TMEM117: variants seen among roughly 807,000 people sequenced by gnomAD.
TMEM117 encodes transmembrane protein 117.
In TMEM117, 27 loss-of-function variants were observed where a neutral mutation model predicts 52.4. The ratio of observed to expected loss-of-function variants is 0.51; its 90% CI spans 0.38 to 0.71. TMEM117 has a LOEUF of 0.71. Among genes scored for constraint, TMEM117 ranks in the 30% least tolerant of loss-of-function variants. The pLI is 0.00. For missense variants in TMEM117, 556 were observed against 630.5 expected (o/e 0.88, Z 1.26); for synonymous variants, 215 against 206.3 (o/e 1.04, Z -0.36).
chr12:44,157,907 C>CT (rs1338708906), intron 4 of TMEM117, among the ~76,000 whole-genome samples: 1 of 152,032 alleles, frequency 6.6e-6, no homozygotes, highest in African/African-American at 2.4e-5. Context: ...TGCCATAAAA[C>CT]TTTGTCTCAT....
In TMEM117 at chr12:43,844,945, A is replaced by G. The variant is rs200076737; in HGVS notation, c.277+17A>G. 5 of 1,588,338 alleles carry G rather than the reference A, an allele frequency of 3.1e-6. No homozygotes were observed. Among genetic ancestry groups the G allele is most frequent in the Non-Finnish European group, 4.3e-6 (5 of 1,172,120 alleles). On this transcript the variant is annotated intron_variant, in intron 2 of 7. Transcript: ENST00000266534. ...GTTTGTTTGGTAAGTACCATGACCCATGAAATGTAATATCACTAATTATTT... is the reference window on the plus strand; with the variant it reads ...GTTTGTTTGGTAAGTACCATGACCCGTGAAATGTAATATCACTAATTATTT...
chr12:43,889,914 C>T (rs570156232), intron 2 of TMEM117, among the ~76,000 whole-genome samples: 17 of 152,078 alleles, frequency 1.1e-4, no homozygotes, highest in Non-Finnish European at 2.4e-4. Context: ...GGCACCAGTT[C>T]GGTTGCAATA....
At chr12:44,169,514 G>A (rs1039836955) in intron 4 of TMEM117, among the ~76,000 whole-genome samples, 1 of 152,064 alleles carries the variant, frequency 6.6e-6, no homozygotes, top group African/African-American at 2.4e-5. Flanking sequence ...TTCTTTGAGT[G>A]TTAAAGATCT....
intron 4 of TMEM117, among the ~76,000 whole-genome samples, chr12:44,176,834 C>T (rs78068362): frequency 6.6e-6 from 1 of 151,996 alleles, no homozygotes; most frequent in Non-Finnish European, 1.5e-5. Context: ...AAAGAATGCT[C>T]TCTCTATATA....
intron 2 of TMEM117, among the ~76,000 whole-genome samples, chr12:43,861,971 C>T (rs1173258575): frequency 6.6e-6 from 1 of 152,116 alleles, no homozygotes; most frequent in Non-Finnish European, 1.5e-5. Flanking sequence ...TAGGTCAGAG[C>T]AGGGGTGATG....
In TMEM117 at chr12:44,010,576, T is replaced by C. The variant is rs185747721; in HGVS notation, c.410+66234T>C. On this transcript the variant is annotated intron_variant, in intron 3 of 7. Transcript: ENST00000266534. The stretch of plus-strand genomic sequence containing the variant: ...CGCTTGTTCTTTGCTTCTGTTTTTG[T>C]GTTCCACACTTTTGCTGCCTTTTGT... 5.0e-3 allele frequency among the ~76,000 whole-genome samples: 767 copies of C among 152,348 alleles called. 7 individuals are homozygous for C. The highest frequency in any genetic ancestry group is 0.017 in the African/African-American group (725 of 41,586).
chr12:44,120,485 C>G (rs1306435854), intron 3 of TMEM117, among the ~76,000 whole-genome samples: 2 of 152,144 alleles, frequency 1.3e-5, no homozygotes. Context: ...TTCTAGCATG[C>G]CCTTGCTCAC....
upstream of TMEM117, among the ~76,000 whole-genome samples, chr12:43,834,564 C>A (rs1173385721): frequency 6.6e-6 from 1 of 152,180 alleles, no homozygotes; most frequent in Non-Finnish European, 1.5e-5. Flanking sequence ...CAAAAGAGAA[C>A]CTTACTAGTT....
chr12:44,385,616 T>G, intron 7 of TMEM117, among the ~76,000 whole-genome samples: 1 of 152,008 alleles, frequency 6.6e-6, no homozygotes, highest in East Asian at 1.9e-4. Context: ...AAATAAAAAT[T>G]TTATAAGGAG....
chr12:43,890,821 C>T lies in TMEM117; in HGVS notation c.277+45893C>T, dbSNP rs182762343. Among the ~76,000 whole-genome samples the T allele has an allele frequency of 1.5e-4, 23 of 152,078 alleles. No individual in the cohort carries two copies. In the East Asian group the frequency reaches 3.3e-3, roughly 22 times the overall value. On this transcript the variant is annotated intron_variant, in intron 2 of 7. Transcript: ENST00000266534. ...CTGGGATTACAGGTGTGAGCCACTG[C>T]GCCCAGCCCCAAGGGATATTTTCTT... is the stretch of plus-strand genomic sequence containing the variant.
chr12:44,078,607 T>C (rs1947421280), intron 3 of TMEM117, among the ~76,000 whole-genome samples: 1 of 152,234 alleles, frequency 6.6e-6, no homozygotes, highest in African/African-American at 2.4e-5. Flanking sequence ...ATTTCAATTT[T>C]TTTTTCCTGA....
the TMEM117 span, chr12:43,798,734 C>CAG: frequency 2.3e-6 from 2 of 886,606 alleles, no homozygotes; most frequent in Non-Finnish European, 3.3e-6. Context: ...ATTCTCCAGA[C>CAG]TGATTCCTAC....
intron 5 of TMEM117, among the ~76,000 whole-genome samples, chr12:44,224,960 C>T (rs1467907278): frequency 6.6e-6 from 1 of 152,124 alleles, no homozygotes; most frequent in Non-Finnish European, 1.5e-5. Flanking sequence ...TTCTATGCAG[C>T]ATCTGCCCTT....
At chr12:43,962,519 A>G (rs1170495699) in intron 3 of TMEM117, among the ~76,000 whole-genome samples, 1 of 152,214 alleles carries the variant, frequency 6.6e-6, no homozygotes, top group Non-Finnish European at 1.5e-5. Context: ...TTTACAATAG[A>G]AGATCAATAA....
At chr12:44,129,021 T>G (rs976340266) in intron 3 of TMEM117, among the ~76,000 whole-genome samples, 1 of 152,164 alleles carries the variant, frequency 6.6e-6, no homozygotes, top group African/African-American at 2.4e-5. Flanking sequence ...CCATTCTGAT[T>G]ATTCTTCTAC....
intron 3 of TMEM117, among the ~76,000 whole-genome samples, chr12:44,134,888 A>G (rs1948467113): frequency 6.6e-6 from 1 of 152,170 alleles, no homozygotes. Context: ...AGGAAGCAAC[A>G]TGGATGTCCC....
At chr12:43,974,155 C>G (rs936495324) in intron 3 of TMEM117, among the ~76,000 whole-genome samples, 2 of 152,116 alleles carry the variant, frequency 1.3e-5, no homozygotes, top group Non-Finnish European at 2.9e-5. Flanking sequence ...CTGCCTTTGT[C>G]AGGTTCTGGA....
chr12:43,845,005 C>T (rs960927982), intron 2 of TMEM117, 77 bp downstream of exon 2: 1 of 1,512,698 alleles, frequency 6.6e-7, no homozygotes, highest in Non-Finnish European at 8.9e-7. Context: ...TTTGCTATTT[C>T]TAAGTGCCAA....
chr12:44,258,736 CAT>C (rs1254997557), intron 5 of TMEM117, among the ~76,000 whole-genome samples: 1 of 152,130 alleles, frequency 6.6e-6, no homozygotes, highest in African/African-American at 2.4e-5. Flanking sequence ...TTGAGAATCA[CAT>C]ATAAACTTTA....
Sources: allele counts gnomAD v4.1 joint callset (sites outside exome capture counted in the v4.1 genomes callset), GRCh38; gene constraint gnomAD v4.1.1; transcripts MANE v1.5; gene names NCBI Gene and HGNC (gene_info 2026-07-23, HGNC 2026-07-21).